The following ADNP variants were observed in gnomAD, a reference collection of about 807,000 sequenced individuals.
ADNP encodes the protein activity-dependent neuroprotector homeobox protein.
ADNP carries 4 observed loss-of-function variants against 84.9 expected under a neutral mutation model. The observed-to-expected ratio is 0.05, with a 90% CI of 0.02 to 0.11. ADNP has a LOEUF of 0.11. ADNP is among the 10% of genes least tolerant of loss of function. The pLI, the probability that ADNP is intolerant of heterozygous loss-of-function variation, is 1.00. For missense variants in ADNP, 1,132 were observed against 1,326.0 expected (o/e 0.85, Z 2.27); for synonymous variants, 554 against 468.1 (o/e 1.18, Z -2.37).
intron 2 of ADNP, among the ~76,000 whole-genome samples, chr20:50,915,089 AATG>A (rs1983407551): frequency 6.6e-6 from 1 of 152,226 alleles, no homozygotes; most frequent in Non-Finnish European, 1.5e-5. Context: ...AGCTTGTTAA[AATG>A]ATTATGTAAC....
chr20:50,898,225 C>T (rs146365359), intron 5 of ADNP, among the ~76,000 whole-genome samples: 1 of 152,320 alleles, frequency 6.6e-6, no homozygotes, highest in African/African-American at 2.4e-5. Flanking sequence ...GCTGCCTTTA[C>T]ATCAGCACTC....
rs1173269992 is a variant in ADNP, at chr20:50,892,188, A to G, written c.2526T>C (p.Ala842=). 2 of 1,614,222 alleles carry G rather than the reference A, an allele frequency of 1.2e-6. No homozygotes were observed. Among genetic ancestry groups the G allele is most frequent in the East Asian group, 2.2e-5 (1 of 44,884 alleles). ...CATCATGATTTTCAAATAGCCACTCAGCATCAAAATCCATCTCATGCTTGA... is the reference window on the plus strand; with the variant it reads ...CATCATGATTTTCAAATAGCCACTCGGCATCAAAATCCATCTCATGCTTGA... ...NKVKHEMDFD[A]EWLFENHDEK... The change falls in exon 6 of 6, where the codon GCT becomes GCC. Residue 842 remains alanine, a synonymous_variant. Coordinates refer to ENST00000621696, the MANE Select transcript of ADNP (RefSeq NM_001282531.3).
intron 2 of ADNP, among the ~76,000 whole-genome samples, chr20:50,907,971 G>C (rs967990045): frequency 6.6e-6 from 1 of 152,046 alleles, no homozygotes; most frequent in African/African-American, 2.4e-5. Flanking sequence ...CTTCATATGC[G>C]TATTTCTGAC....
Position 50,889,307 on chromosome 20 carries a change from G to A in ADNP, c.*2098C>T, listed in dbSNP as rs528626019. 6.6e-6 allele frequency: 1 copy of A among 152,234 alleles called. No homozygotes were observed. Among genetic ancestry groups the A allele is most frequent in the Non-Finnish European group, 1.5e-5 (1 of 67,994 alleles). The allele number at this position is 152,234 out of a possible 1,614,324, so 9.4% of individuals were successfully genotyped here. A position where few individuals can be genotyped will look rare whatever the true frequency, so the allele number is the denominator to read the frequency against. ...ACTCAGAAGCCTGTTAATCAGGGAG[G>A]GTAATTTCCAAATAAATGTGAGCTG... On this transcript the variant is annotated 3_prime_UTR_variant, in exon 6 of 6. Coordinates refer to ENST00000621696, the MANE Select transcript of ADNP (RefSeq NM_001282531.3).
In ADNP at chr20:50,890,870, C is replaced by CT. The variant is rs1459659346; in HGVS notation, c.*534dup. Reference sequence around the variant, plus strand: ...CGTTTATTACACAGCAAGGGCAACACTAAAAAAAGAAATCTATGATGGGCA... The same window carrying CT: ...CGTTTATTACACAGCAAGGGCAACACTTAAAAAAAGAAATCTATGATGGGCA... On this transcript the variant is annotated 3_prime_UTR_variant, in exon 6 of 6. Coordinates refer to ENST00000621696, the MANE Select transcript of ADNP (RefSeq NM_001282531.3). The CT allele has an allele frequency of 2.1e-6, 2 of 965,138 alleles. No homozygotes were observed. Among genetic ancestry groups the CT allele is most frequent in the Non-Finnish European group, 2.5e-6 (2 of 811,368 alleles). 59.8% of individuals were successfully genotyped at this position (965,138 alleles called of 1,614,324 possible). A position where few individuals can be genotyped will look rare whatever the true frequency, so the allele number is the denominator to read the frequency against.
rs141788157 is a variant in ADNP at position 50,889,894 on chromosome 20, G to C, written c.*1511C>G. ...GCAAGAGGGCCAAGAGTGGCAAATA[G>C]AGGCAGAGCCGCCTGCACTACAGTT... On this transcript the variant is annotated 3_prime_UTR_variant, in exon 6 of 6. Transcript: ENST00000621696. 2.5e-6 allele frequency: 1 copy of C among 398,334 alleles called. No homozygotes were observed. The highest frequency in any genetic ancestry group is 4.4e-6 in the Non-Finnish European group (1 of 226,056). 24.7% of individuals were successfully genotyped at this position (398,334 alleles called of 1,614,324 possible). A position where few individuals can be genotyped will look rare whatever the true frequency, so the allele number is the denominator to read the frequency against.
At chr20:50,896,011 G>T (rs1981350028) in intron 5 of ADNP, among the ~76,000 whole-genome samples, 2 of 151,252 alleles carry the variant, frequency 1.3e-5, no homozygotes. Flanking sequence ...GATCACCTGA[G>T]GTCAAGAGCT....
chr20:50,894,238 C>T lies in ADNP; in HGVS notation c.476G>A (p.Ser159Asn), dbSNP rs1301493482. The change falls in exon 6 of 6, where the codon AGT becomes AAT. Residue 159 changes from serine (S) to asparagine (N), a missense_variant. Transcript: ENST00000621696. The part of the protein sequence containing the change: ...NDGLKPKQAD[S>N]VEQAVYYCKK... ...ACAGTAATAAACAGCTTGCTCTACACTGTCAGCCTGCTTAGGTTTAAGGCC... is the reference window on the plus strand; with the variant it reads ...ACAGTAATAAACAGCTTGCTCTACATTGTCAGCCTGCTTAGGTTTAAGGCC... 1 of 1,614,064 alleles carries T rather than the reference C, an allele frequency of 6.2e-7. No individual in the cohort carries two copies. Among genetic ancestry groups the T allele is most frequent in the African/African-American group, 1.3e-5 (1 of 74,908 alleles).
intron 1 of ADNP, among the ~76,000 whole-genome samples, chr20:50,929,769 G>A (rs1984536579): frequency 6.6e-6 from 1 of 152,044 alleles, no homozygotes; most frequent in African/African-American, 2.4e-5. Flanking sequence ...AGAAGCATCA[G>A]GGATGGGAAC....
intron 2 of ADNP, among the ~76,000 whole-genome samples, chr20:50,922,985 A>T (rs1426217738): frequency 6.6e-6 from 1 of 152,124 alleles, no homozygotes; most frequent in East Asian, 1.9e-4. Context: ...ACCTACAATC[A>T]GAAAGCTGGG....
intron 5 of ADNP, among the ~76,000 whole-genome samples, chr20:50,899,314 C>T (rs1349568124): frequency 2.0e-5 from 3 of 151,674 alleles, no homozygotes; most frequent in African/African-American, 7.3e-5. Context: ...CTCCTGCCTT[C>T]CCCGCTCCCA....
At chr20:50,896,881 C>T (rs1981454197) in intron 5 of ADNP, among the ~76,000 whole-genome samples, 1 of 152,090 alleles carries the variant, frequency 6.6e-6, no homozygotes, top group African/African-American at 2.4e-5. Context: ...GATAATGAAC[C>T]ATGAATATTC....
intron 5 of ADNP, among the ~76,000 whole-genome samples, chr20:50,900,043 C>T (rs1074): frequency 0.011 from 1,733 of 152,070 alleles, 11 homozygotes; most frequent in Non-Finnish European, 0.018. Flanking sequence ...TTTATGTAGC[C>T]TAAGTGTGTT....
chr20:50,897,244 T>C (rs1371452771), intron 5 of ADNP, among the ~76,000 whole-genome samples: 2 of 152,206 alleles, frequency 1.3e-5, no homozygotes, highest in African/African-American at 2.4e-5. Context: ...CCCGGCCACG[T>C]GTTTTCAGAC....
chr20:50,908,159 T>G (rs1393133924), intron 2 of ADNP, among the ~76,000 whole-genome samples: 7 of 151,134 alleles, frequency 4.6e-5, no homozygotes. Context: ...TTTTTTTTTT[T>G]TTTTTTTTGC....
chr20:50,907,426 C>A (rs1203385555), intron 2 of ADNP, among the ~76,000 whole-genome samples: 1 of 151,984 alleles, frequency 6.6e-6, no homozygotes, highest in Non-Finnish European at 1.5e-5. Context: ...ACCACCACAT[C>A]GTGCTAATTT....
In ADNP at chr20:50,929,824, C is replaced by G. The variant is rs549951476; in HGVS notation, c.-264-999G>C. Among the ~76,000 whole-genome samples, 7 of 151,842 alleles carry G rather than the reference C, an allele frequency of 4.6e-5. 1 individual carries two copies. The highest frequency in any genetic ancestry group is 2.1e-4 in the South Asian group (1 of 4,818). Reference sequence around the variant, plus strand: ...ATCATTAACATGACAAACACAGAAACAGTTTGGTTCTTTTTCCCTCCTAAG... The same window carrying G: ...ATCATTAACATGACAAACACAGAAAGAGTTTGGTTCTTTTTCCCTCCTAAG... On this transcript the variant is annotated intron_variant, in intron 1 of 5. Coordinates refer to ENST00000621696, the MANE Select transcript of ADNP (RefSeq NM_001282531.3).
chr20:50,901,410 G>A (rs1027768295), intron 5 of ADNP, among the ~76,000 whole-genome samples: 1 of 148,416 alleles, frequency 6.7e-6, no homozygotes, highest in Admixed American at 6.8e-5. Flanking sequence ...GATCATTAAT[G>A]CAGAATGAGA....
intron 2 of ADNP, among the ~76,000 whole-genome samples, chr20:50,922,842 A>G (rs1280491641): frequency 6.6e-6 from 1 of 152,058 alleles, no homozygotes; most frequent in East Asian, 1.9e-4. Context: ...CCAGCCTCCC[A>G]AAATGCTGGG....
Sources: allele counts gnomAD v4.1 joint callset (sites outside exome capture counted in the v4.1 genomes callset), GRCh38; gene constraint gnomAD v4.1.1; transcripts MANE v1.5; gene names NCBI Gene and HGNC (gene_info 2026-07-23, HGNC 2026-07-21).